The following NUMA1 variants were observed in gnomAD, a reference collection of about 807,000 sequenced individuals.
The protein encoded by NUMA1 is SP-H antigen.
In NUMA1, 62 loss-of-function variants were observed where a neutral mutation model predicts 237.1. The ratio of observed to expected loss-of-function variants is 0.26; its 90% CI spans 0.21 to 0.32. The LOEUF is 0.32. Among genes scored for constraint, NUMA1 ranks in the 10% least tolerant of loss-of-function variants. The probability of loss-of-function intolerance (pLI) is 1.00; values close to 1 mark genes in which losing one functional copy is unlikely to be tolerated. For synonymous variants in NUMA1, 1,028 were observed against 1,066.1 expected, an observed-to-expected ratio of 0.96 and a Z score of 0.70; for missense variants, 2,533 against 2,666.5, an observed-to-expected ratio of 0.95 and a Z score of 1.10.
chr11:72,035,798 A>T (rs1940957130), intron 3 of NUMA1, 104 bp downstream of exon 3: 2 of 1,010,982 alleles, frequency 2.0e-6, no homozygotes, highest in Non-Finnish European at 3.1e-6. Flanking sequence ...TTAGTCTAGA[A>T]ATGAGAAGAC....
At chr11:72,051,179 C>T (rs1201444907) in intron 2 of NUMA1, among the ~76,000 whole-genome samples, 5 of 152,074 alleles carry the variant, frequency 3.3e-5, no homozygotes, top group South Asian at 4.2e-4. Flanking sequence ...TGTGAGCCAC[C>T]GTGCTGTCCT....
At chr11:72,003,751 A>C (rs937151538) in intron 26 of NUMA1, 136 bp downstream of exon 26, 1 of 1,042,968 alleles carries the variant, frequency 9.6e-7, no homozygotes, top group African/African-American at 1.6e-5. Context: ...AGGAGCTACC[A>C]GGACAGGGAC....
rs1287841241 is a variant in NUMA1, at chr11:72,003,552, AGT to A, written c.6337-16_6337-15del. The A allele has an allele frequency of 6.2e-7, 1 of 1,614,150 alleles. No homozygotes were observed. The highest frequency in any genetic ancestry group is 8.5e-7 in the Non-Finnish European group (1 of 1,179,994). On this transcript the variant is annotated splice_polypyrimidine_tract_variant and intron_variant, in intron 26 of 26. Coordinates refer to ENST00000393695, the MANE Select transcript of NUMA1 (RefSeq NM_006185.4). ...TTAGTGCTTTGCCTGAAAGAGACAC[AGT>A]CACATGGCCAGATGAGAACTTGCGA...
Position 72,005,233 on chromosome 11 carries a change from C to T in NUMA1, c.5829G>A (p.Arg1943=). 2 of 1,593,448 alleles carry T rather than the reference C, an allele frequency of 1.3e-6. No individual in the cohort carries two copies. Among genetic ancestry groups the T allele is most frequent in the East Asian group, 2.3e-5 (1 of 43,200 alleles). Residue 1943 remains arginine (R), a splice_region_variant and synonymous_variant, in exon 23 of 27, where the codon AGG becomes AGA. Coordinates refer to ENST00000393695, the MANE Select transcript of NUMA1 (RefSeq NM_006185.4). ...HLKTCYPLES[R]PSLSLGTITD... Reference sequence around the variant, plus strand: ...CCTGCACAGTGACCCCAGGCCTCACCCTGGACTCCAGGGGATAGCAGGTCT... The same window carrying T: ...CCTGCACAGTGACCCCAGGCCTCACTCTGGACTCCAGGGGATAGCAGGTCT...
chr11:72,043,150 A>C (rs1198135918), intron 2 of NUMA1, among the ~76,000 whole-genome samples: 1 of 152,024 alleles, frequency 6.6e-6, no homozygotes, highest in East Asian at 1.9e-4. Flanking sequence ...GATGATATGC[A>C]GAATTAAACT....
chr11:72,037,194 AT>A (rs1273503371), intron 2 of NUMA1, among the ~76,000 whole-genome samples: 4 of 152,142 alleles, frequency 2.6e-5, no homozygotes, highest in African/African-American at 9.7e-5. Context: ...ACCGAAAGGT[AT>A]TTTCTTAGTT....
intron 4 of NUMA1, among the ~76,000 whole-genome samples, chr11:72,028,316 C>A (rs944014209): frequency 1.3e-5 from 2 of 152,096 alleles, no homozygotes; most frequent in African/African-American, 4.8e-5. Flanking sequence ...TACCTATGAA[C>A]AGGTAGCTAA....
chr11:72,035,400 C>CT (rs1399716543), intron 3 of NUMA1, among the ~76,000 whole-genome samples: 72 of 146,830 alleles, frequency 4.9e-4, no homozygotes, highest in Admixed American at 1.1e-3. Flanking sequence ...GCATTTACCA[C>CT]CCCCCCTTTT....
chr11:72,049,552 A>AAAAAAT lies in NUMA1; in HGVS notation c.-32-13578_-32-13577insATTTTT, dbSNP rs57970160. On this transcript the variant is annotated intron_variant, in intron 2 of 26. Coordinates refer to ENST00000393695, the MANE Select transcript of NUMA1 (RefSeq NM_006185.4). ...AGTGAGAACCTGTCTAAAAAAAAAAATAATAATAATATATATATATATATA... is the reference window on the plus strand; with the variant it reads ...AGTGAGAACCTGTCTAAAAAAAAAAAAAAAATTAATAATAATATATATATATATATA... The AAAAAAT allele has an allele frequency of 7.3e-4, 7 of 9,624 alleles. 1 individual carries two copies. The South Asian group carries it at 0.017, about 23-fold the overall frequency. 0.6% of individuals were successfully genotyped at this position (9,624 alleles called of 1,614,324 possible).
At chr11:72,019,379 C>T (rs1307485353) in intron 9 of NUMA1, 115 bp downstream of exon 9, 5 of 1,371,880 alleles carry the variant, frequency 3.6e-6, no homozygotes, top group Non-Finnish European at 5.0e-6. Context: ...CCCAGATCTA[C>T]CGGATACTCT....
intron 13 of NUMA1, 59 bp from the exon 14 acceptor site, chr11:72,016,589 CA>C: frequency 6.3e-7 from 1 of 1,581,262 alleles, no homozygotes; most frequent in Non-Finnish European, 8.6e-7. Context: ...GATTACCACA[CA>C]AGCCCTCATA....
chr11:72,020,041 G>C (rs1278860106), intron 8 of NUMA1, among the ~76,000 whole-genome samples: 2 of 152,132 alleles, frequency 1.3e-5, no homozygotes, highest in African/African-American at 4.8e-5. Flanking sequence ...CTGAAGCCTT[G>C]CACCTCCAAA....
Position 72,004,634 on chromosome 11 carries a change from G to A in NUMA1, c.6006+6C>T, listed in dbSNP as rs190022860. The A allele has an allele frequency of 1.3e-5, 21 of 1,611,226 alleles. No homozygotes were observed. Among genetic ancestry groups the A allele is most frequent in the African/African-American group, 4.0e-5 (3 of 74,942 alleles). On this transcript the variant is annotated splice_donor_region_variant and intron_variant, in intron 24 of 26. Coordinates refer to ENST00000393695, the MANE Select transcript of NUMA1 (RefSeq NM_006185.4). ...TGGAGTAACACCCAGGAGCCACCGC[G>A]CCTACCTCAGGAGTTCCAGGGCCCT...
In NUMA1 at chr11:72,015,737, G is replaced by A; in HGVS notation, c.1766C>T (p.Ala589Val). 6.2e-7 allele frequency: 1 copy of A among 1,614,164 alleles called. No individual in the cohort carries two copies. Among genetic ancestry groups the A allele is most frequent in the Non-Finnish European group, 8.5e-7 (1 of 1,180,040 alleles). The change falls in exon 15 of 27, where the codon GCA becomes GTA. Residue 589 changes from alanine to valine, a missense_variant. Physicochemically the swap from Ala to Val is moderately conservative, Grantham distance 64. Around this residue, in one of 3 missense-constraint regions of NUMA1, gnomAD observed 1,414 missense variants for 1,508.1 expected, o/e 0.94. Transcript: ENST00000393695. This position sits in a 1 kb window ranked among gnomAD's most constrained non-coding sequence, Gnocchi z 4.0. The stretch of plus-strand genomic sequence containing the variant: ...CCTTAAGGAGGCCTCTCGCTCCTCT[G>A]CAGCAGTGGCCAGTTGCTGGGCATG... ...QDHAQQLATA[A>V]EEREASLRER...
rs192466975 is a variant in NUMA1, at chr11:72,058,031, A to G, written c.-33+11811T>C. Among the ~76,000 whole-genome samples, 13 of 152,300 alleles carry G rather than the reference A, an allele frequency of 8.5e-5. No homozygotes were observed. In the East Asian group the frequency reaches 2.5e-3, roughly 29 times the overall value. ...GGTTGCAGTGAGCCAAGATTGTGCC[A>G]CTGCATTACAGCCTGGGCAACAAGA... On this transcript the variant is annotated intron_variant, in intron 2 of 26. Coordinates refer to ENST00000393695, the MANE Select transcript of NUMA1 (RefSeq NM_006185.4).
intron 1 of NUMA1, among the ~76,000 whole-genome samples, chr11:72,073,569 G>C (rs755644959): frequency 4.6e-5 from 7 of 152,212 alleles, no homozygotes; most frequent in Non-Finnish European, 1.0e-4. Flanking sequence ...CTTTTAGCCA[G>C]GGGAGAACAA....
intron 2 of NUMA1, among the ~76,000 whole-genome samples, chr11:72,058,587 A>G (rs984610908): frequency 6.6e-6 from 1 of 152,156 alleles, no homozygotes; most frequent in African/African-American, 2.4e-5. Context: ...AAAAAAAACT[A>G]TTTCTACACA....
At chr11:72,072,517 A>C (rs1164528433) in intron 1 of NUMA1, among the ~76,000 whole-genome samples, 1 of 152,224 alleles carries the variant, frequency 6.6e-6, no homozygotes, top group Non-Finnish European at 1.5e-5. Context: ...AATAGGACAG[A>C]AAGGGCAGGC....
intron 22 of NUMA1, 81 bp downstream of exon 22, chr11:72,005,954 A>T: frequency 8.1e-7 from 1 of 1,232,046 alleles, no homozygotes; most frequent in South Asian, 1.4e-5. Context: ...GGATTTTTAA[A>T]AAGCTTTCCT....
Sources: allele counts gnomAD v4.1 joint callset (sites outside exome capture counted in the v4.1 genomes callset), GRCh38; gene constraint gnomAD v4.1.1; regional missense constraint gnomAD v4.1.1; non-coding constraint Gnocchi (gnomAD v3.1); transcripts MANE v1.5; gene names NCBI Gene and HGNC (gene_info 2026-07-23, HGNC 2026-07-21).